Variants in CALN1 observed in about 807,000 individuals in gnomAD.
CALN1 encodes the protein calneuron 1.
A neutral mutation model predicts 30.6 loss-of-function variants in CALN1; 17 were observed. That is an observed-to-expected ratio of 0.56 (90% CI 0.38 to 0.83). The LOEUF (loss-of-function observed/expected upper bound fraction) is 0.83. CALN1 is among the 40% of genes least tolerant of loss of function. The probability of loss-of-function intolerance (pLI) is 0.00; values close to 1 mark genes in which losing one functional copy is unlikely to be tolerated. For missense variants in CALN1, 291 were observed against 354.9 expected, an observed-to-expected ratio of 0.82 and a Z score of 1.45; for synonymous variants, 156 against 131.4, an observed-to-expected ratio of 1.19 and a Z score of -1.28.
chr7:72,069,143 G>A (rs1326886716), intron 4 of CALN1, among the ~76,000 whole-genome samples: 1 of 152,268 alleles, frequency 6.6e-6, no homozygotes, highest in East Asian at 1.9e-4. Flanking sequence ...CAAAGTGGCT[G>A]GAGACGTCCG....
At chr7:72,136,011 T>C (rs1028564150) in intron 3 of CALN1, among the ~76,000 whole-genome samples, 1 of 152,048 alleles carries the variant, frequency 6.6e-6, no homozygotes, top group African/African-American at 2.4e-5. Context: ...TAGATGCCTG[T>C]AATCCCAGCT....
chr7:72,005,809 G>T (rs971331507), intron 5 of CALN1, among the ~76,000 whole-genome samples: 1 of 151,950 alleles, frequency 6.6e-6, no homozygotes, highest in Admixed American at 6.6e-5. Context: ...GGGTGGGGGT[G>T]GGAATGAGGA....
intron 5 of CALN1, among the ~76,000 whole-genome samples, chr7:71,850,922 T>C (rs768893415): frequency 6.6e-6 from 1 of 152,104 alleles, no homozygotes; most frequent in Non-Finnish European, 1.5e-5. Flanking sequence ...TAAATATGCA[T>C]GCAATATTGG....
intron 5 of CALN1, among the ~76,000 whole-genome samples, chr7:71,926,140 A>G (rs562440116): frequency 3.3e-5 from 5 of 152,152 alleles, no homozygotes; most frequent in African/African-American, 1.2e-4. Context: ...AACTCCCCAC[A>G]TGCTCGGGCT....
At chr7:72,349,256 A>G (rs1037820292) in intron 2 of CALN1, among the ~76,000 whole-genome samples, 6 of 151,224 alleles carry the variant, frequency 4.0e-5, no homozygotes, top group African/African-American at 7.3e-5. Context: ...GCGAGAGAAA[A>G]AGAGAGAGAC....
chr7:71,908,702 A>T (rs1355796877), intron 5 of CALN1, among the ~76,000 whole-genome samples: 1 of 152,220 alleles, frequency 6.6e-6, no homozygotes, highest in Non-Finnish European at 1.5e-5. Flanking sequence ...AAGTAAGGAC[A>T]GGCAAGGACT....
chr7:72,405,475 C>T (rs777614240), intron 1 of CALN1, among the ~76,000 whole-genome samples: 11 of 152,126 alleles, frequency 7.2e-5, no homozygotes, highest in Non-Finnish European at 1.2e-4. Flanking sequence ...GAGACATATG[C>T]CCAGGAGCAC....
chr7:72,462,587 G>A, the CALN1 span, among the ~76,000 whole-genome samples: 3 of 152,202 alleles, frequency 2.0e-5, no homozygotes, highest in Admixed American at 6.5e-5. Flanking sequence ...CGAGGAGGTC[G>A]CAGTCCAAAT....
intron 2 of CALN1, among the ~76,000 whole-genome samples, chr7:72,393,300 TA>T (rs1454350268): frequency 1.3e-5 from 2 of 151,786 alleles, no homozygotes; most frequent in Non-Finnish European, 2.9e-5. Context: ...CCATCTCTAC[TA>T]AAAATACAAG....
At chr7:72,410,352 A>G (rs949266228) in intron 1 of CALN1, among the ~76,000 whole-genome samples, 2 of 152,234 alleles carry the variant, frequency 1.3e-5, no homozygotes, top group African/African-American at 4.8e-5. Context: ...CAAAAGCACA[A>G]AAAAGAAATC....
chr7:72,262,349 T>C (rs1380539114), intron 3 of CALN1, among the ~76,000 whole-genome samples: 3 of 152,110 alleles, frequency 2.0e-5, no homozygotes, highest in South Asian at 2.1e-4. Context: ...TGGATCTTTT[T>C]TGTTTCTTTT....
chr7:72,132,231 T>C (rs534123304), intron 3 of CALN1, among the ~76,000 whole-genome samples: 36 of 152,270 alleles, frequency 2.4e-4, no homozygotes, highest in African/African-American at 7.5e-4. Context: ...CATCCCTTAG[T>C]CTAGCCTCTC....
At chr7:72,038,587 G>A (rs1483917751) in intron 4 of CALN1, among the ~76,000 whole-genome samples, 1 of 152,072 alleles carries the variant, frequency 6.6e-6, no homozygotes, top group Non-Finnish European at 1.5e-5. Flanking sequence ...CCTCTGTGCT[G>A]CATTTCCAGA....
At chr7:72,139,897 G>T (rs963610641) in intron 3 of CALN1, among the ~76,000 whole-genome samples, 1 of 152,104 alleles carries the variant, frequency 6.6e-6, no homozygotes, top group Non-Finnish European at 1.5e-5. Context: ...ACTGAGTCAG[G>T]TCTCCTACTA....
intron 3 of CALN1, among the ~76,000 whole-genome samples, chr7:72,196,266 T>C (rs1790993006): frequency 6.6e-6 from 1 of 152,130 alleles, no homozygotes; most frequent in Non-Finnish European, 1.5e-5. Context: ...TACAGGCGCA[T>C]ACCGCCATGC....
intron 3 of CALN1, among the ~76,000 whole-genome samples, chr7:72,220,080 G>A (rs371614376): frequency 2.0e-5 from 3 of 151,104 alleles, no homozygotes; most frequent in East Asian, 1.9e-4. Flanking sequence ...TAGGGTACAC[G>A]TGCACAATGT....
rs73369899 is a variant in CALN1 at position 72,081,635 on chromosome 7, T to C, written c.388+24516A>G. ...CGAGGTCTCACCAGGTTGCCCAGGC[T>C]GGTTTCAAATTCCTAGGCTCACGTG... On this transcript the variant is annotated intron_variant, in intron 4 of 6. Transcript: ENST00000395275. Among the ~76,000 whole-genome samples the C allele has an allele frequency of 9.9e-3, 1,504 of 152,184 alleles. 17 individuals are homozygous for C. Among genetic ancestry groups the C allele is most frequent in the African/African-American group, 0.032 (1,324 of 41,516 alleles).
At chr7:72,167,767 T>C (rs906159843) in intron 3 of CALN1, among the ~76,000 whole-genome samples, 1 of 152,234 alleles carries the variant, frequency 6.6e-6, no homozygotes, top group Admixed American at 6.5e-5. Flanking sequence ...TAGGATGCAC[T>C]TGACATCAAA....
chr7:72,152,861 C>A (rs893505781), intron 3 of CALN1, among the ~76,000 whole-genome samples: 1 of 152,318 alleles, frequency 6.6e-6, no homozygotes, highest in South Asian at 2.1e-4. Flanking sequence ...TCTGAGGTCA[C>A]TCCATGGGGG....
Sources: allele counts gnomAD v4.1 joint callset (sites outside exome capture counted in the v4.1 genomes callset), GRCh38; gene constraint gnomAD v4.1.1; transcripts MANE v1.5; gene names NCBI Gene and HGNC (gene_info 2026-07-23, HGNC 2026-07-21).